The following SKAP2 variants were observed in gnomAD, a reference collection of about 807,000 sequenced individuals.
The protein encoded by SKAP2 is src kinase-associated phosphoprotein 2.
In SKAP2, 28 loss-of-function variants were observed where a neutral mutation model predicts 54.9. The ratio of observed to expected loss-of-function variants is 0.51; its 90% confidence interval spans 0.38 to 0.70. The LOEUF (loss-of-function observed/expected upper bound fraction) is 0.70, where lower values mean the gene tolerates loss of function less well. Ranked by LOEUF, SKAP2 falls within the 30% of genes least tolerant of loss-of-function variation. SKAP2 has a pLI of 0.00. For synonymous variants in SKAP2, 137 were observed against 134.3 expected (o/e 1.02, Z -0.14); for missense variants, 356 against 424.1 (o/e 0.84, Z 1.41).
chr7:26,780,481 G>A (rs142989844), intron 4 of SKAP2, among the ~76,000 whole-genome samples: 177 of 152,098 alleles, frequency 1.2e-3, no homozygotes, highest in African/African-American at 4.1e-3. Context: ...TACTTCTTTT[G>A]AAGTAGCTTG....
intron 9 of SKAP2, among the ~76,000 whole-genome samples, chr7:26,692,626 T>G (rs558274540): frequency 3.9e-5 from 6 of 152,316 alleles, no homozygotes; most frequent in African/African-American, 1.4e-4. Context: ...ACACTGACAA[T>G]TTAATATGGT....
At chr7:26,786,193 A>AT (rs1250134166) in intron 4 of SKAP2, among the ~76,000 whole-genome samples, 6 of 152,120 alleles carry the variant, frequency 3.9e-5, no homozygotes, top group African/African-American at 1.4e-4. Flanking sequence ...ACCCAGGGGA[A>AT]TTTTTTCTTT....
chr7:26,706,681 T>C (rs1395619509), intron 9 of SKAP2, among the ~76,000 whole-genome samples: 12 of 152,172 alleles, frequency 7.9e-5, no homozygotes, highest in Admixed American at 7.9e-4. Flanking sequence ...GTTCTACAAA[T>C]GAAAAGTGCA....
intron 11 of SKAP2, among the ~76,000 whole-genome samples, chr7:26,678,716 C>T (rs974359362): frequency 1.1e-4 from 16 of 152,160 alleles, no homozygotes; most frequent in South Asian, 6.2e-4. Flanking sequence ...GCTGGGATTA[C>T]AGGAGTGAGC....
intron 6 of SKAP2, among the ~76,000 whole-genome samples, chr7:26,735,540 G>A (rs941188069): frequency 3.9e-5 from 6 of 152,052 alleles, no homozygotes; most frequent in Non-Finnish European, 7.4e-5. Context: ...TTTGGCACAC[G>A]CAATATGGTA....
rs144341819 is a variant in SKAP2 at position 26,745,278 on chromosome 7, T to C, written c.308-5314A>G. Among the ~76,000 whole-genome samples the C allele has an allele frequency of 7.2e-5, 11 of 152,374 alleles. No homozygotes were observed. In the East Asian group the frequency reaches 2.1e-3, roughly 29 times the overall value. ...TAAGAATTTTCACTCTGAGTCAAGA[T>C]GTTGGTCCATTTAGTCAAATATTCT... On this transcript the variant is annotated intron_variant, in intron 4 of 12. Coordinates refer to ENST00000345317, the MANE Select transcript of SKAP2 (RefSeq NM_003930.5).
intron 3 of SKAP2, among the ~76,000 whole-genome samples, chr7:26,851,846 GTGCCTTAGAGAAAT>G (rs1783971240): frequency 6.6e-6 from 1 of 152,044 alleles, no homozygotes; most frequent in Non-Finnish European, 1.5e-5. Context: ...ACACATCTGT[GTGCCTTAGAGAAAT>G]TAATAACCGA....
At chr7:26,805,890 T>C (rs550782947) in intron 4 of SKAP2, among the ~76,000 whole-genome samples, 20 of 152,336 alleles carry the variant, frequency 1.3e-4, no homozygotes, top group Admixed American at 5.9e-4. Flanking sequence ...AAGTTGACGG[T>C]CTGTGGCAAC....
chr7:26,861,727 C>T (rs943632644), intron 1 of SKAP2, among the ~76,000 whole-genome samples: 18 of 144,448 alleles, frequency 1.2e-4, no homozygotes, highest in Non-Finnish European at 9.0e-5. Flanking sequence ...CATAATCAGA[C>T]AGAAAAATAA....
intron 4 of SKAP2, among the ~76,000 whole-genome samples, chr7:26,830,118 T>TA (rs1439008953): frequency 6.6e-6 from 1 of 152,036 alleles, no homozygotes; most frequent in Non-Finnish European, 1.5e-5. Context: ...TTATGCTAAG[T>TA]AAAAAAAGCC....
chr7:26,770,735 C>T (rs543555625), intron 4 of SKAP2, among the ~76,000 whole-genome samples: 13 of 152,258 alleles, frequency 8.5e-5, no homozygotes, highest in Admixed American at 5.2e-4. Context: ...TGCACTTCCC[C>T]GGTGAGATGA....
intron 4 of SKAP2, among the ~76,000 whole-genome samples, chr7:26,830,263 G>C (rs760020284): frequency 1.3e-5 from 2 of 152,148 alleles, no homozygotes; most frequent in Non-Finnish European, 2.9e-5. Flanking sequence ...GGAGAAAACT[G>C]AGAGTGACTA....
chr7:26,676,686 T>C lies in SKAP2; in HGVS notation c.988-6494A>G, dbSNP rs906769731. ...CTGCCATACTGTTAACATATTGGGA[T>C]ACAAAAATATTTAAGACACAGTGTC... On this transcript the variant is annotated intron_variant, in intron 11 of 12. Coordinates refer to ENST00000345317, the MANE Select transcript of SKAP2 (RefSeq NM_003930.5). Among the ~76,000 whole-genome samples the C allele has an allele frequency of 1.1e-4, 17 of 152,162 alleles. 1 individual carries two copies. Among genetic ancestry groups the C allele is most frequent in the South Asian group, 4.1e-4 (2 of 4,828 alleles).
At chr7:26,782,958 T>A (rs759896494) in intron 4 of SKAP2, among the ~76,000 whole-genome samples, 2 of 152,186 alleles carry the variant, frequency 1.3e-5, no homozygotes, top group African/African-American at 2.4e-5. Flanking sequence ...GCAGCCTGAA[T>A]GGACTAAGAC....
At chr7:26,769,147 G>A (rs1783126605) in intron 4 of SKAP2, among the ~76,000 whole-genome samples, 1 of 152,022 alleles carries the variant, frequency 6.6e-6, no homozygotes, top group African/African-American at 2.4e-5. Flanking sequence ...TGGAGGCTTT[G>A]TTCCTTTTCA....
intron 4 of SKAP2, among the ~76,000 whole-genome samples, chr7:26,772,523 C>T (rs1210420258): frequency 6.6e-6 from 1 of 152,158 alleles, no homozygotes; most frequent in African/African-American, 2.4e-5. Context: ...AGGATAATGG[C>T]CTCCAGCTGC....
chr7:26,655,714 T>G, the SKAP2 span, among the ~76,000 whole-genome samples: 1 of 152,190 alleles, frequency 6.6e-6, no homozygotes, highest in African/African-American at 2.4e-5. Context: ...GTGTCAGAAA[T>G]AATGACTGTC....
intron 4 of SKAP2, among the ~76,000 whole-genome samples, chr7:26,829,702 G>C (rs547713971): frequency 6.6e-6 from 1 of 152,100 alleles, no homozygotes; most frequent in South Asian, 2.1e-4. Context: ...CAAAACTACA[G>C]TAAGATACCA....
At chr7:26,686,406 C>T (rs1786641003) in intron 10 of SKAP2, among the ~76,000 whole-genome samples, 2 of 152,058 alleles carry the variant, frequency 1.3e-5, no homozygotes, top group African/African-American at 4.8e-5. Context: ...CTTCTCCACA[C>T]TAGCATCTGA....
Sources: allele counts gnomAD v4.1 joint callset (sites outside exome capture counted in the v4.1 genomes callset), GRCh38; gene constraint gnomAD v4.1.1; transcripts MANE v1.5; gene names NCBI Gene and HGNC (gene_info 2026-07-23, HGNC 2026-07-21).